The following TCF4 variants were observed in gnomAD, a reference collection of about 807,000 sequenced individuals.
The protein encoded by TCF4 is transcription factor 4.
TCF4 carries 3 observed loss-of-function variants against 82.1 expected under a neutral mutation model. The ratio of observed to expected loss-of-function variants is 0.04; its 90% CI spans 0.02 to 0.09. TCF4 has a LOEUF of 0.09. Ranked by LOEUF, TCF4 falls within the 10% of genes least tolerant of loss-of-function variation. The pLI, the probability that TCF4 is intolerant of heterozygous loss-of-function variation, is 1.00. For synonymous variants in TCF4, 276 were observed against 309.6 expected, an observed-to-expected ratio of 0.89 and a Z score of 1.14; for missense variants, 518 against 852.7, an observed-to-expected ratio of 0.61 and a Z score of 4.89.
intron 15 of TCF4, among the ~76,000 whole-genome samples, chr18:55,241,800 CAAATACTCATCTTTTA>C (rs1361790491): frequency 3.3e-5 from 5 of 152,288 alleles, no homozygotes; most frequent in East Asian, 3.9e-4. Context: ...CATCACTTTC[CAAATACTCATCTTTTA>C]AATGCAATAT....
chr18:55,545,435 T>C (rs1304252859), intron 3 of TCF4, among the ~76,000 whole-genome samples: 1 of 151,712 alleles, frequency 6.6e-6, no homozygotes, highest in African/African-American at 2.4e-5. Flanking sequence ...TGGTCTGGGG[T>C]TTTTTTTGTT....
At chr18:55,485,121 T>C (rs1028127093) in intron 3 of TCF4, among the ~76,000 whole-genome samples, 3 of 152,226 alleles carry the variant, frequency 2.0e-5, no homozygotes, top group African/African-American at 7.2e-5. Context: ...TCCTCTTTGA[T>C]GATTTTTCTG....
rs2096928086 is a variant in TCF4, at chr18:55,520,947, A to C, written c.146-56810T>G. Among the ~76,000 whole-genome samples, 4 of 152,060 alleles carry C rather than the reference A, an allele frequency of 2.6e-5. 1 individual carries two copies. The South Asian group carries it at 8.3e-4, about 32-fold the overall frequency. Reference sequence around the variant, plus strand: ...CCTATTCGTCGCAATTCAGAGTCTAATTATCCAGTTTGTGAAATACCTAGG... The same window carrying C: ...CCTATTCGTCGCAATTCAGAGTCTACTTATCCAGTTTGTGAAATACCTAGG... On this transcript the variant is annotated intron_variant, in intron 3 of 19. Coordinates refer to ENST00000354452, the MANE Select transcript of TCF4 (RefSeq NM_001083962.2).
At chr18:55,632,306 G>A (rs1246617004) in intron 1 of TCF4, among the ~76,000 whole-genome samples, 1 of 152,168 alleles carries the variant, frequency 6.6e-6, no homozygotes, top group Admixed American at 6.5e-5. Context: ...CCAAAGTGCT[G>A]GGATTACAGG....
intron 11 of TCF4, chr18:55,266,715 T>C (rs1259522309): frequency 6.6e-6 from 1 of 152,054 alleles, no homozygotes; most frequent in Non-Finnish European, 1.5e-5. Context: ...CTTATGGATT[T>C]CTCAAAAAAT....
chr18:55,569,266 G>C (rs906775522), intron 3 of TCF4, among the ~76,000 whole-genome samples: 1 of 149,046 alleles, frequency 6.7e-6, no homozygotes, highest in African/African-American at 2.4e-5. Context: ...CAATAAAATT[G>C]TCTTGAGTCA....
At chr18:55,546,853 T>C (rs1381428821) in intron 3 of TCF4, 1 of 152,254 alleles carries the variant, frequency 6.6e-6, no homozygotes, top group African/African-American at 2.4e-5. Flanking sequence ...CACCATAACA[T>C]TTCTTACTTT....
chr18:55,440,965 C>T (rs2095428924), intron 5 of TCF4, among the ~76,000 whole-genome samples: 1 of 152,154 alleles, frequency 6.6e-6, no homozygotes, highest in Non-Finnish European at 1.5e-5. Flanking sequence ...CCCTTCCCCC[C>T]TTATTCTTCT....
Position 55,586,158 on chromosome 18 carries a change from GCAGCAGCAGCAGC to G in TCF4, c.73-819_73-807del, listed in dbSNP as rs1568465660. 6.9e-3 allele frequency: 822 copies of G among 119,052 alleles called. 9 individuals are homozygous for G. In the African/African-American group the frequency reaches 0.12, roughly 17 times the overall value. 7.4% of individuals were successfully genotyped at this position (119,052 alleles called of 1,614,324 possible). ...AGAAGGAGGAGGAGGAGGAGGAGCA[GCAGCAGCAGCAGC>G]AGCAGCAGCAGCAGCAGCAGCAGCA... On this transcript the variant is annotated intron_variant, in intron 2 of 19. Coordinates refer to ENST00000354452, the MANE Select transcript of TCF4 (RefSeq NM_001083962.2).
At chr18:55,366,502 G>A (rs1050014274) in intron 6 of TCF4, among the ~76,000 whole-genome samples, 5 of 152,164 alleles carry the variant, frequency 3.3e-5, no homozygotes. Flanking sequence ...GGCCCCAAGG[G>A]TTCTAAATAA....
At chr18:55,314,962 C>G (rs2073708564) in intron 8 of TCF4, among the ~76,000 whole-genome samples, 1 of 152,042 alleles carries the variant, frequency 6.6e-6, no homozygotes, top group South Asian at 2.1e-4. Flanking sequence ...TGTTAGCCTC[C>G]ATTGTTAACA....
intron 8 of TCF4, among the ~76,000 whole-genome samples, chr18:55,297,762 A>G (rs193010871): frequency 6.6e-6 from 1 of 152,098 alleles, no homozygotes; most frequent in African/African-American, 2.4e-5. Flanking sequence ...AAAAACAAAA[A>G]CAACAAAAAA....
At chr18:55,367,960 T>A (rs2087694296) in intron 6 of TCF4, among the ~76,000 whole-genome samples, 1 of 152,208 alleles carries the variant, frequency 6.6e-6, no homozygotes, top group Admixed American at 6.5e-5. Flanking sequence ...AATGTAAAAC[T>A]CTGTATTAGG....
chr18:55,497,833 A>C (rs2096653871), intron 3 of TCF4, among the ~76,000 whole-genome samples: 1 of 152,212 alleles, frequency 6.6e-6, no homozygotes, highest in Non-Finnish European at 1.5e-5. Flanking sequence ...GTATCCATTA[A>C]CTAAAGCTAC....
At chr18:55,381,964 C>T (rs2091982944) in intron 6 of TCF4, among the ~76,000 whole-genome samples, 1 of 150,842 alleles carries the variant, frequency 6.6e-6, no homozygotes, top group African/African-American at 2.4e-5. Context: ...AAAACTTTGA[C>T]TAGTACTGGA....
chr18:55,459,440 T>C (rs2144726454), intron 5 of TCF4, among the ~76,000 whole-genome samples: 1 of 152,342 alleles, frequency 6.6e-6, no homozygotes, highest in Non-Finnish European at 1.5e-5. Context: ...AGCGTCTCCC[T>C]ATGAGTATTT....
chr18:55,618,123 C>T (rs1297568991), intron 2 of TCF4, among the ~76,000 whole-genome samples: 2 of 152,050 alleles, frequency 1.3e-5, no homozygotes, highest in Non-Finnish European at 2.9e-5. Flanking sequence ...CAAATTCCTT[C>T]TATACTTAGC....
At chr18:55,585,468 T>C (rs1477026142) in intron 2 of TCF4, 116 bp from the exon 3 acceptor site, 13 of 974,418 alleles carry the variant, frequency 1.3e-5, no homozygotes, top group Non-Finnish European at 1.9e-5. Flanking sequence ...AGGGTTTATT[T>C]AGTAAAATAC....
chr18:55,510,533 T>G (rs1192443318), intron 3 of TCF4: 7 of 1,380,288 alleles, frequency 5.1e-6, no homozygotes, highest in Non-Finnish European at 3.9e-6. Flanking sequence ...ATCAAACATT[T>G]TAATCAAGAG....
Sources: allele counts gnomAD v4.1 joint callset (sites outside exome capture counted in the v4.1 genomes callset), GRCh38; gene constraint gnomAD v4.1.1; transcripts MANE v1.5; gene names NCBI Gene and HGNC (gene_info 2026-07-23, HGNC 2026-07-21).